CLVS1: variants seen among roughly 807,000 people sequenced by gnomAD.
CLVS1 encodes clavesin 1.
A neutral mutation model predicts 33.1 loss-of-function variants in CLVS1; 10 were observed. The ratio of observed to expected loss-of-function variants is 0.30; its 90% CI spans 0.19 to 0.51. CLVS1 has a LOEUF of 0.51. CLVS1 is among the 20% of genes least tolerant of loss of function. The probability of loss-of-function intolerance (pLI) is 0.97; values close to 1 mark genes in which losing one functional copy is unlikely to be tolerated. For synonymous variants in CLVS1, 163 were observed against 166.1 expected, an observed-to-expected ratio of 0.98 and a Z score of 0.14; for missense variants, 343 against 433.4, an observed-to-expected ratio of 0.79 and a Z score of 1.85.
At chr8:61,144,762 A>G (rs1290544095) in intron 2 of CLVS1, among the ~76,000 whole-genome samples, 1 of 152,138 alleles carries the variant, frequency 6.6e-6, no homozygotes, top group East Asian at 1.9e-4. Context: ...CTGGCGTGAG[A>G]TGGTATCTCA....
intron 2 of CLVS1, among the ~76,000 whole-genome samples, chr8:61,256,182 C>T (rs1011014794): frequency 1.3e-5 from 2 of 152,130 alleles, no homozygotes; most frequent in South Asian, 4.1e-4. Flanking sequence ...AATTTGACTA[C>T]TAAAGGTACC....
chr8:61,439,449 G>T (rs1245871029), intron 3 of CLVS1, among the ~76,000 whole-genome samples: 3 of 152,194 alleles, frequency 2.0e-5, no homozygotes, highest in Non-Finnish European at 4.4e-5. Context: ...TGCTGATTGA[G>T]AATGCAGGCT....
chr8:61,360,110 G>T (rs1421708237), intron 2 of CLVS1, among the ~76,000 whole-genome samples: 2 of 152,180 alleles, frequency 1.3e-5, no homozygotes, highest in African/African-American at 4.8e-5. Flanking sequence ...AGTACTCTGT[G>T]CATTGAGATC....
chr8:61,082,704 A>G (rs1805043564), intron 1 of CLVS1, among the ~76,000 whole-genome samples: 1 of 152,220 alleles, frequency 6.6e-6, no homozygotes, highest in Non-Finnish European at 1.5e-5. Context: ...ATTGAAAGAA[A>G]GGACACACTA....
At chr8:61,251,089 A>G (rs942737759) in intron 2 of CLVS1, among the ~76,000 whole-genome samples, 1 of 152,158 alleles carries the variant, frequency 6.6e-6, no homozygotes, top group Non-Finnish European at 1.5e-5. Context: ...GATACGTTCC[A>G]TTGATACCTA....
Position 61,162,147 on chromosome 8 carries a change from C to T in CLVS1, c.-152+30287C>T, listed in dbSNP as rs116651211. Among the ~76,000 whole-genome samples the T allele has an allele frequency of 3.3e-3, 508 of 152,334 alleles. 5 individuals carry two copies. The highest frequency in any genetic ancestry group is 0.012 in the African/African-American group (479 of 41,566). ...CCATTGCATGGTCTTTAAGCTCATTCAATCACTCAGAATTGTTCACTACCC... is the reference window on the plus strand; with the variant it reads ...CCATTGCATGGTCTTTAAGCTCATTTAATCACTCAGAATTGTTCACTACCC... On this transcript the variant is annotated intron_variant, in intron 2 of 2. Coordinates refer to the CLVS1 transcript ENST00000522621.
intron 3 of CLVS1, among the ~76,000 whole-genome samples, chr8:61,440,152 T>C (rs1816486082): frequency 6.6e-6 from 1 of 152,254 alleles, no homozygotes; most frequent in Non-Finnish European, 1.5e-5. Context: ...ACAAGGAATG[T>C]GTCTTGTATA....
chr8:61,163,089 C>G (rs1283951220), intron 2 of CLVS1, among the ~76,000 whole-genome samples: 24 of 152,136 alleles, frequency 1.6e-4, no homozygotes, highest in Admixed American at 1.6e-3. Context: ...CCCAGAAAAC[C>G]CTGCCTGGAC....
the CLVS1 span, among the ~76,000 whole-genome samples, chr8:61,034,904 T>C: frequency 1.3e-5 from 2 of 152,216 alleles, no homozygotes; most frequent in Non-Finnish European, 2.9e-5. Context: ...TTTCCAGATG[T>C]TCTGGATCAT....
chr8:61,399,984 G>C (rs1814685527), intron 3 of CLVS1, among the ~76,000 whole-genome samples: 2 of 152,104 alleles, frequency 1.3e-5, no homozygotes, highest in Admixed American at 1.3e-4. Flanking sequence ...CTCCAGCTTT[G>C]CTCTTTTTGC....
intron 3 of CLVS1, among the ~76,000 whole-genome samples, chr8:61,415,495 C>G (rs1316326975): frequency 6.6e-6 from 1 of 152,182 alleles, no homozygotes; most frequent in African/African-American, 2.4e-5. Context: ...ATGATTATGG[C>G]TAAGCCATCT....
chr8:61,357,291 C>G (rs892832540), intron 2 of CLVS1, among the ~76,000 whole-genome samples: 5 of 151,974 alleles, frequency 3.3e-5, no homozygotes, highest in Admixed American at 1.3e-4. Flanking sequence ...TTTTTAAAGT[C>G]AACGATCTAT....
At chr8:61,368,872 T>G (rs1381026947) in intron 2 of CLVS1, among the ~76,000 whole-genome samples, 1 of 152,212 alleles carries the variant, frequency 6.6e-6, no homozygotes, top group Non-Finnish European at 1.5e-5. Context: ...TTTCAGAGAA[T>G]TATATTCTTA....
At chr8:61,067,309 T>A (rs1179530887) in intron 1 of CLVS1, among the ~76,000 whole-genome samples, 1 of 151,902 alleles carries the variant, frequency 6.6e-6, no homozygotes, top group Non-Finnish European at 1.5e-5. Flanking sequence ...ACATGGAGTG[T>A]GCTCGACAAA....
chr8:61,416,328 A>G (rs1404357915), intron 3 of CLVS1, among the ~76,000 whole-genome samples: 2 of 152,070 alleles, frequency 1.3e-5, no homozygotes, highest in African/African-American at 4.8e-5. Context: ...ATACATACAT[A>G]CATACATACA....
intron 2 of CLVS1, among the ~76,000 whole-genome samples, chr8:61,303,369 G>A (rs1452962627): frequency 6.6e-6 from 1 of 152,096 alleles, no homozygotes; most frequent in Admixed American, 6.5e-5. Context: ...ATTCTCTCTT[G>A]TGTAAAATAA....
At chr8:61,366,360 A>G (rs1813209872) in intron 2 of CLVS1, among the ~76,000 whole-genome samples, 2 of 152,146 alleles carry the variant, frequency 1.3e-5, no homozygotes, top group Non-Finnish European at 2.9e-5. Context: ...TCTTGACTGC[A>G]TTTTATCACT....
At position 61,419,146 on chromosome 8, in the gene CLVS1, C is replaced by T. The variant is rs535540072; in HGVS notation, c.631-34995C>T. Among the ~76,000 whole-genome samples, 170 of 152,208 alleles carry T rather than the reference C, an allele frequency of 1.1e-3. 1 individual carries two copies. The highest frequency in any genetic ancestry group is 3.9e-3 in the African/African-American group (162 of 41,528). ...GGGCGTGGTGTCTCATGTCTGTAAT[C>T]CCAGCACTGTAGGAAGCCGAGGCGA... On this transcript the variant is annotated intron_variant, in intron 3 of 5. Transcript: ENST00000325897.
At chr8:61,302,004 T>C (rs1383835307) in intron 2 of CLVS1, among the ~76,000 whole-genome samples, 1 of 152,202 alleles carries the variant, frequency 6.6e-6, no homozygotes, top group Non-Finnish European at 1.5e-5. Flanking sequence ...GACATGGGTT[T>C]AACCTAAAAA....
Sources: gnomAD v4.1 joint callset for allele counts (sites outside exome capture counted in the v4.1 genomes callset) on GRCh38, gnomAD v4.1.1 for gene constraint, MANE v1.5 for transcripts, NCBI Gene and HGNC (gene_info 2026-07-23, HGNC 2026-07-21) for gene names.